The following RTL4 variants were observed in gnomAD, a reference collection of about 807,000 sequenced individuals.
RTL4 encodes the protein retrotransposon Gag like 4.
In RTL4, 4 loss-of-function variants were observed where a neutral mutation model predicts 5.3. The observed-to-expected ratio is 0.75, with a 90% confidence interval of 0.37 to 1.72. RTL4 has a LOEUF of 1.72. Ranked by LOEUF, RTL4 falls within the 40% of genes most tolerant of loss-of-function variation. The pLI is 0.04. For synonymous variants in RTL4, 98 were observed against 87.3 expected, an observed-to-expected ratio of 1.12 and a Z score of -0.68; for missense variants, 260 against 227.1, an observed-to-expected ratio of 1.14 and a Z score of -0.93.
chrX:112,445,617 A>C, the RTL4 span, among the ~76,000 whole-genome samples: 3 of 111,666 alleles, frequency 2.7e-5, no homozygotes, highest in Non-Finnish European at 5.6e-5. Flanking sequence ...ACATTCTTAT[A>C]TCTCGGACTA....
the RTL4 span, among the ~76,000 whole-genome samples, chrX:112,191,372 A>G: frequency 8.9e-6 from 1 of 111,750 alleles, no homozygotes; most frequent in African/African-American, 3.2e-5. Context: ...TTTAAAGACT[A>G]TAAATGAAAT....
chrX:112,281,359 A>G, the RTL4 span, among the ~76,000 whole-genome samples: 1 of 112,102 alleles, frequency 8.9e-6, no homozygotes, highest in African/African-American at 3.2e-5. Flanking sequence ...CAATGTGTAT[A>G]TATTCCACAT....
At chrX:112,202,000 T>TGTGTGTGTGTG in the RTL4 span, among the ~76,000 whole-genome samples, 2 of 110,333 alleles carry the variant, frequency 1.8e-5, no homozygotes, top group Non-Finnish European at 3.8e-5. Context: ...TGTGTGTGTG[T>TGTGTGTGTGTG]TTACTTCTAT....
chrX:112,278,532 A>G, the RTL4 span, among the ~76,000 whole-genome samples: 1 of 111,814 alleles, frequency 8.9e-6, no homozygotes, highest in Admixed American at 9.5e-5. Flanking sequence ...GAGTAAAAGG[A>G]GGCTTTATTA....
At chrX:112,159,757 C>T in the RTL4 span, among the ~76,000 whole-genome samples, 6 of 111,348 alleles carry the variant, frequency 5.4e-5, no homozygotes, top group Admixed American at 2.9e-4. Context: ...GCTGCATGCC[C>T]GTCTCCCCAC....
At chrX:112,252,978 T>G in the RTL4 span, among the ~76,000 whole-genome samples, 4 of 111,824 alleles carry the variant, frequency 3.6e-5, no homozygotes, top group South Asian at 1.5e-3. Context: ...TGTAATCTTC[T>G]GGATTTAATG....
chrX:112,242,031 C>T, the RTL4 span, among the ~76,000 whole-genome samples: 2 of 111,383 alleles, frequency 1.8e-5, no homozygotes, highest in African/African-American at 6.5e-5. Context: ...TTTCTGAGGC[C>T]TCTGTTCTGT....
the RTL4 span, among the ~76,000 whole-genome samples, chrX:112,257,178 T>C: frequency 2.7e-5 from 3 of 111,949 alleles, no homozygotes; most frequent in Non-Finnish European, 5.7e-5. Flanking sequence ...CTAGTTTTTT[T>C]CCTGAAAGGG....
At chrX:112,229,825 C>T in the RTL4 span, among the ~76,000 whole-genome samples, 2 of 112,032 alleles carry the variant, frequency 1.8e-5, no homozygotes, top group African/African-American at 6.5e-5. Context: ...GTATCAGCAG[C>T]AGTGGCTGCA....
the RTL4 span, among the ~76,000 whole-genome samples, chrX:112,264,626 C>T: frequency 0.011 from 1,177 of 112,005 alleles, 9 homozygotes; most frequent in Non-Finnish European, 0.017. Context: ...ATAAACTTCA[C>T]ACTGTTTCTA....
the RTL4 span, among the ~76,000 whole-genome samples, chrX:112,172,741 G>T: frequency 9.0e-6 from 1 of 111,280 alleles, no homozygotes; most frequent in African/African-American, 3.3e-5. Flanking sequence ...CAAAGACATG[G>T]AATCAACCCA....
the RTL4 span, among the ~76,000 whole-genome samples, chrX:112,254,878 C>T: frequency 8.9e-6 from 1 of 111,871 alleles, no homozygotes; most frequent in Non-Finnish European, 1.9e-5. Context: ...GAACTAGGCA[C>T]ATGTTATAAC....
the RTL4 span, among the ~76,000 whole-genome samples, chrX:112,157,327 T>C: frequency 1.8e-5 from 2 of 111,305 alleles, no homozygotes; most frequent in Non-Finnish European, 3.8e-5. Flanking sequence ...AAATCTAAGA[T>C]GTTTGGCCTA....
At chrX:112,336,129 T>C in the RTL4 span, among the ~76,000 whole-genome samples, 1 of 111,871 alleles carries the variant, frequency 8.9e-6, no homozygotes, top group African/African-American at 3.2e-5. Context: ...AAGGTTTTCC[T>C]TGTAGCCAAG....
the RTL4 span, among the ~76,000 whole-genome samples, chrX:112,192,956 T>C: frequency 9.0e-6 from 1 of 111,715 alleles, no homozygotes; most frequent in African/African-American, 3.2e-5. Flanking sequence ...ATGAACTTTC[T>C]CTGCTCTTGT....
the RTL4 span, among the ~76,000 whole-genome samples, chrX:112,349,103 C>G: frequency 9.0e-6 from 1 of 110,550 alleles, no homozygotes; most frequent in Non-Finnish European, 1.9e-5. Context: ...GAAGTCTGCT[C>G]AAGAGTCCAT....
the RTL4 span, among the ~76,000 whole-genome samples, chrX:112,137,926 C>T: frequency 1.3e-3 from 148 of 111,318 alleles, no homozygotes; most frequent in African/African-American, 4.7e-3. Flanking sequence ...TATCAGAATC[C>T]CAAAGAGATA....
the RTL4 span, among the ~76,000 whole-genome samples, chrX:112,432,556 T>A: frequency 1.0e-5 from 1 of 100,094 alleles, no homozygotes; most frequent in African/African-American, 3.7e-5. Context: ...TTCATGTCCT[T>A]TGCCCACTTT....
At chrX:112,417,016 A>G in the RTL4 span, among the ~76,000 whole-genome samples, 1 of 111,929 alleles carries the variant, frequency 8.9e-6, no homozygotes, top group Non-Finnish European at 1.9e-5. Context: ...GGTACATATC[A>G]GTGATGGATG....
Sources: gnomAD v4.1 joint callset for allele counts (sites outside exome capture counted in the v4.1 genomes callset) on GRCh38, gnomAD v4.1.1 for gene constraint, MANE v1.5 for transcripts, NCBI Gene and HGNC (gene_info 2026-07-23, HGNC 2026-07-21) for gene names.